Variants in KCNH1 observed in about 807,000 individuals in gnomAD.
The protein encoded by KCNH1 is voltage-gated delayed rectifier potassium channel KCNH1.
Under a neutral mutation model 69.2 loss-of-function variants are expected in KCNH1, and 27 were observed. The ratio of observed to expected loss-of-function variants is 0.39; its 90% CI spans 0.29 to 0.54. The LOEUF (loss-of-function observed/expected upper bound fraction) is 0.54, where lower values mean the gene tolerates loss of function less well. Among genes scored for constraint, KCNH1 ranks in the 20% least tolerant of loss-of-function variants. The probability of loss-of-function intolerance (pLI) is 0.68; values close to 1 mark genes in which losing one functional copy is unlikely to be tolerated. For synonymous variants in KCNH1, 456 were observed against 487.7 expected, an observed-to-expected ratio of 0.93 and a Z score of 0.86; for missense variants, 798 against 1,261.6, an observed-to-expected ratio of 0.63 and a Z score of 5.57.
chr1:211,091,778 G>T (rs752207574), intron 3 of KCNH1, among the ~76,000 whole-genome samples: 17 of 152,130 alleles, frequency 1.1e-4, no homozygotes, highest in Admixed American at 2.0e-4. Context: ...TTCTCAGAGA[G>T]GATACCCACT....
chr1:210,817,622 A>G (rs979695051), intron 7 of KCNH1, among the ~76,000 whole-genome samples: 1 of 152,136 alleles, frequency 6.6e-6, no homozygotes, highest in African/African-American at 2.4e-5. Flanking sequence ...ACACATGTCA[A>G]CTGTGTGCTA....
At chr1:211,045,250 C>T (rs1209334099) in intron 5 of KCNH1, among the ~76,000 whole-genome samples, 1 of 151,264 alleles carries the variant, frequency 6.6e-6, no homozygotes, top group Non-Finnish European at 1.5e-5. Context: ...ACACAATGAA[C>T]TTCGGAGACT....
At chr1:210,974,192 G>T (rs1377387040) in intron 6 of KCNH1, among the ~76,000 whole-genome samples, 2 of 152,116 alleles carry the variant, frequency 1.3e-5, no homozygotes, top group Admixed American at 1.3e-4. Context: ...GGTTGAGGAA[G>T]TTCCTTTCTA....
At chr1:210,712,989 A>G (rs912207262) in intron 10 of KCNH1, among the ~76,000 whole-genome samples, 6 of 152,136 alleles carry the variant, frequency 3.9e-5, no homozygotes, top group Admixed American at 3.9e-4. Context: ...TGACTCGTGC[A>G]CATCCTCCTC....
chr1:210,813,534 A>G (rs893292964), intron 7 of KCNH1, among the ~76,000 whole-genome samples: 7 of 152,216 alleles, frequency 4.6e-5, no homozygotes, highest in Admixed American at 4.6e-4. Flanking sequence ...CAGCCCATGT[A>G]AGAGCAACAC....
chr1:210,961,863 T>C (rs1688301650), intron 6 of KCNH1, among the ~76,000 whole-genome samples: 1 of 151,572 alleles, frequency 6.6e-6, no homozygotes, highest in Admixed American at 6.6e-5. Flanking sequence ...AAAAAAAGAA[T>C]ACAGTTATAA....
chr1:210,681,221 T>C lies in KCNH1; in HGVS notation c.*2060A>G, dbSNP rs930456062. On this transcript the variant is annotated 3_prime_UTR_variant, in exon 11 of 11. Transcript: ENST00000271751. ...CAGCCAACAGATGGGATTCCAGATA[T>C]TTTACGGCCTCTTACCCAAGGACTG... The C allele has an allele frequency of 3.3e-5, 5 of 152,176 alleles. No individual in the cohort carries two copies. Among genetic ancestry groups the C allele is most frequent in the Non-Finnish European group, 7.3e-5 (5 of 68,036 alleles). 9.4% of individuals were successfully genotyped at this position (152,176 alleles called of 1,614,324 possible).
At chr1:211,105,359 A>C (rs184037296) in intron 2 of KCNH1, among the ~76,000 whole-genome samples, 1 of 152,316 alleles carries the variant, frequency 6.6e-6, no homozygotes, top group African/African-American at 2.4e-5. Context: ...AATCCCTGTA[A>C]AGTTGAATCT....
At chr1:210,695,651 C>G (rs1213694121) in intron 10 of KCNH1, among the ~76,000 whole-genome samples, 2 of 152,190 alleles carry the variant, frequency 1.3e-5, no homozygotes, top group Non-Finnish European at 2.9e-5. Context: ...AGCAAACATT[C>G]AGTGACTATC....
intron 10 of KCNH1, among the ~76,000 whole-genome samples, chr1:210,734,422 G>A (rs1159389855): frequency 2.0e-5 from 3 of 152,132 alleles, no homozygotes; most frequent in Admixed American, 1.3e-4. Flanking sequence ...GAGCAAGAGA[G>A]AAAATAGAGG....
chr1:210,961,612 G>A (rs576374170), intron 6 of KCNH1, among the ~76,000 whole-genome samples: 8 of 152,152 alleles, frequency 5.3e-5, no homozygotes, highest in East Asian at 3.9e-4. Flanking sequence ...AGGCCAAGGC[G>A]GGTGGATCAC....
intron 7 of KCNH1, among the ~76,000 whole-genome samples, chr1:210,851,323 A>G (rs997994506): frequency 6.6e-6 from 1 of 152,218 alleles, no homozygotes; most frequent in Non-Finnish European, 1.5e-5. Context: ...CATAACTATT[A>G]CAGCCAAAAT....
In KCNH1 at chr1:210,747,183, G is replaced by A. The variant is rs1307694644; in HGVS notation, c.2112+28165C>T. Among the ~76,000 whole-genome samples, 3 of 152,164 alleles carry A rather than the reference G, an allele frequency of 2.0e-5. No individual in the cohort carries two copies. In the South Asian group the frequency reaches 6.2e-4, roughly 32 times the overall value. On this transcript the variant is annotated intron_variant, in intron 10 of 10. Transcript: ENST00000271751. Reference sequence around the variant, plus strand: ...ATTACCAAACTGATTTCTATAAAATGAGTCCACATCTATAGTTGCCCGATT... The same window carrying A: ...ATTACCAAACTGATTTCTATAAAATAAGTCCACATCTATAGTTGCCCGATT...
At chr1:210,985,155 T>G (rs1392512261) in intron 6 of KCNH1, among the ~76,000 whole-genome samples, 1 of 152,220 alleles carries the variant, frequency 6.6e-6, no homozygotes, top group African/African-American at 2.4e-5. Context: ...TTATTGCATC[T>G]ATTTGATTCT....
chr1:210,917,616 G>A (rs995054708), intron 7 of KCNH1, among the ~76,000 whole-genome samples: 3 of 152,078 alleles, frequency 2.0e-5, no homozygotes, highest in African/African-American at 7.2e-5. Context: ...CCATAAAATG[G>A]GACCCATTTT....
In KCNH1 at chr1:211,095,921, C is replaced by G. The variant is rs1290354366; in HGVS notation, c.311-5231G>C. ...GCCCTTTATCTTCAGTTATTCGGAG[C>G]CTTGGCCGCATCAGTTTAACTTCTC... On this transcript the variant is annotated intron_variant, in intron 3 of 10. Coordinates refer to ENST00000271751, the MANE Select transcript of KCNH1 (RefSeq NM_172362.3). Among the ~76,000 whole-genome samples the G allele has an allele frequency of 2.6e-5, 4 of 152,266 alleles. No individual in the cohort carries two copies. In the East Asian group the frequency reaches 5.8e-4, roughly 22 times the overall value.
rs980924715 is a variant in KCNH1, at chr1:210,693,488, G to A, written c.2113-9350C>T. On this transcript the variant is annotated intron_variant, in intron 10 of 10. Transcript: ENST00000271751. ...AAAGAGAGGCCAGGTAGAAGACTATGACTAAAGCTAATCACAGATATGGAG... is the reference window on the plus strand; with the variant it reads ...AAAGAGAGGCCAGGTAGAAGACTATAACTAAAGCTAATCACAGATATGGAG... Among the ~76,000 whole-genome samples the A allele has an allele frequency of 5.3e-5, 8 of 152,320 alleles. No homozygotes were observed. In the South Asian group the frequency reaches 1.2e-3, roughly 24 times the overall value.
chr1:210,963,823 A>G lies in KCNH1; in HGVS notation c.1033-43754T>C, dbSNP rs528107329. Among the ~76,000 whole-genome samples the G allele has an allele frequency of 3.3e-4, 51 of 152,294 alleles. 1 individual carries two copies. The highest frequency in any genetic ancestry group is 1.2e-3 in the African/African-American group (51 of 41,580). ...GACCAAACCTACATTTGATTGGTGTACCAGAAAGTGACTGGGAGAATGAAA... is the reference window on the plus strand; with the variant it reads ...GACCAAACCTACATTTGATTGGTGTGCCAGAAAGTGACTGGGAGAATGAAA... On this transcript the variant is annotated intron_variant, in intron 6 of 10. Coordinates refer to ENST00000271751, the MANE Select transcript of KCNH1 (RefSeq NM_172362.3).
chr1:210,818,945 A>T (rs1032152434), intron 7 of KCNH1, among the ~76,000 whole-genome samples: 4 of 152,228 alleles, frequency 2.6e-5, no homozygotes, highest in African/African-American at 9.6e-5. Flanking sequence ...TAACTCTTAC[A>T]GGCACCATTA....
Sources: allele counts gnomAD v4.1 joint callset (sites outside exome capture counted in the v4.1 genomes callset), GRCh38; gene constraint gnomAD v4.1.1; transcripts MANE v1.5; gene names NCBI Gene and HGNC (gene_info 2026-07-23, HGNC 2026-07-21).